The following PEAK1 variants were observed in gnomAD, a reference collection of about 807,000 sequenced individuals.
PEAK1 encodes the protein pseudopodium enriched atypical kinase 1.
Under a neutral mutation model 124.7 loss-of-function variants are expected in PEAK1, and 54 were observed. The ratio of observed to expected loss-of-function variants is 0.43; its 90% CI spans 0.35 to 0.54. PEAK1 has a LOEUF of 0.54. Among genes scored for constraint, PEAK1 ranks in the 20% least tolerant of loss-of-function variants. The probability of loss-of-function intolerance (pLI) is 0.01; values close to 1 mark genes in which losing one functional copy is unlikely to be tolerated. For synonymous variants in PEAK1, 719 were observed against 760.0 expected, an observed-to-expected ratio of 0.95 and a Z score of 0.89; for missense variants, 2,046 against 2,134.5, an observed-to-expected ratio of 0.96 and a Z score of 0.82.
chr15:77,214,893 C>A (rs1004060423), intron 6 of PEAK1, among the ~76,000 whole-genome samples: 1 of 152,114 alleles, frequency 6.6e-6, no homozygotes, highest in Non-Finnish European at 1.5e-5. Flanking sequence ...TCACCTCCCA[C>A]CAGGCCTCTA....
intron 1 of PEAK1, chr15:77,381,267 T>C: frequency 1.0e-6 from 1 of 970,054 alleles, no homozygotes; most frequent in Non-Finnish European, 1.2e-6. Context: ...AATACAGCAA[T>C]GGCCAGATGC....
At chr15:77,200,856 T>C (rs999606861) in intron 6 of PEAK1, among the ~76,000 whole-genome samples, 2 of 152,062 alleles carry the variant, frequency 1.3e-5, no homozygotes, top group African/African-American at 2.4e-5. Context: ...TTCTGCTTGG[T>C]AGGGAAATGG....
intron 7 of PEAK1, among the ~76,000 whole-genome samples, chr15:77,172,463 G>A (rs992443541): frequency 6.6e-6 from 1 of 152,130 alleles, no homozygotes; most frequent in Admixed American, 6.5e-5. Context: ...AACAAATACA[G>A]TTAGTTGTTT....
Position 77,202,602 on chromosome 15 carries a change from T to TA in PEAK1, c.-114-20563dup, listed in dbSNP as rs1335193259. On this transcript the variant is annotated intron_variant, in intron 6 of 9. Transcript: ENST00000682557. ...TAACACGGTGAAACCCCGTCTCTAC[T>TA]AAAAAAAATAAAAAAAAAATAGCTG... 1.2e-3 allele frequency among the ~76,000 whole-genome samples: 173 copies of TA among 149,292 alleles called. 2 individuals are homozygous for TA. Among genetic ancestry groups the TA allele is most frequent in the African/African-American group, 4.1e-3 (165 of 40,448 alleles).
intron 1 of PEAK1, chr15:77,401,806 AT>A: frequency 1.0e-6 from 1 of 984,140 alleles, no homozygotes; most frequent in Non-Finnish European, 1.2e-6. Flanking sequence ...AATAAAAATT[AT>A]TTACAACATG....
At chr15:77,308,183 T>C (rs541441882) in intron 2 of PEAK1, among the ~76,000 whole-genome samples, 5 of 152,216 alleles carry the variant, frequency 3.3e-5, no homozygotes, top group South Asian at 2.1e-4. Flanking sequence ...AATAAGCAGT[T>C]TGAAGTACTA....
intron 6 of PEAK1, among the ~76,000 whole-genome samples, chr15:77,220,277 G>C (rs2059328282): frequency 6.6e-6 from 1 of 151,982 alleles, no homozygotes; most frequent in Non-Finnish European, 1.5e-5. Flanking sequence ...ATGCATTGAG[G>C]TTTGATTTAC....
rs117343796 is a variant in PEAK1 at position 77,393,145 on chromosome 15, C to T, written c.-666+26861G>A. ...CCTGAGTTCCAGAGAGCCTTGCCAC[C>T]ATGGGCTGAAGTGCTCTGGGGTTCT... is the stretch of plus-strand genomic sequence containing the variant. On this transcript the variant is annotated intron_variant, in intron 1 of 9. Transcript: ENST00000682557. Among the ~76,000 whole-genome samples, 10 of 152,326 alleles carry T rather than the reference C, an allele frequency of 6.6e-5. No individual in the cohort carries two copies. The East Asian group carries it at 1.7e-3, about 26-fold the overall frequency.
chr15:77,364,427 T>C (rs2068090103), intron 2 of PEAK1, among the ~76,000 whole-genome samples: 2 of 152,180 alleles, frequency 1.3e-5, no homozygotes, highest in African/African-American at 4.8e-5. Context: ...TTAAGGAATG[T>C]AGATACTGAA....
intron 9 of PEAK1, among the ~76,000 whole-genome samples, chr15:77,123,358 T>C (rs1413874924): frequency 6.6e-6 from 1 of 152,184 alleles, no homozygotes; most frequent in African/African-American, 2.4e-5. Context: ...TACTAAGCCA[T>C]AATTTTGCCA....
chr15:77,192,478 C>A, intron 6 of PEAK1, among the ~76,000 whole-genome samples: 1 of 152,234 alleles, frequency 6.6e-6, no homozygotes, highest in East Asian at 1.9e-4. Flanking sequence ...ACAAGGAGAC[C>A]GCAGTCTGAC....
Position 77,177,486 on chromosome 15 carries a change from G to A in PEAK1, c.3137+1304C>T, listed in dbSNP as rs75928793. Among the ~76,000 whole-genome samples, 29 of 150,242 alleles carry A rather than the reference G, an allele frequency of 1.9e-4. No homozygotes were observed. The East Asian group carries it at 4.3e-3, about 22-fold the overall frequency. On this transcript the variant is annotated intron_variant, in intron 7 of 9. Coordinates refer to ENST00000682557, the MANE Select transcript of PEAK1 (RefSeq NM_001385026.1). ...TAAAGAATGTGTATAAAACTTCCTA[G>A]CATTTTGCTAGGAAAAGTAAAAGCA...
intron 5 of PEAK1, among the ~76,000 whole-genome samples, chr15:77,272,873 G>A (rs2062110702): frequency 6.6e-6 from 1 of 152,098 alleles, no homozygotes; most frequent in Admixed American, 6.5e-5. Flanking sequence ...CAAAATACTA[G>A]CTAAACGAAT....
chr15:77,117,982 A>T (rs1295653759), intron 9 of PEAK1, among the ~76,000 whole-genome samples: 1 of 152,236 alleles, frequency 6.6e-6, no homozygotes, highest in African/African-American at 2.4e-5. Context: ...TTAGCTTCAC[A>T]GATCTACTTG....
At position 77,129,443 on chromosome 15, in the gene PEAK1, A is replaced by ATT. The variant is rs35174642; in HGVS notation, c.4077+3560_4077+3561dup. 7.2e-3 allele frequency among the ~76,000 whole-genome samples: 1,015 copies of ATT among 141,166 alleles called. 11 individuals carry two copies. Among genetic ancestry groups the ATT allele is most frequent in the African/African-American group, 0.025 (961 of 38,276 alleles). 92.6% of individuals were successfully genotyped at this position (141,166 alleles called of 152,430 possible). A position where few individuals can be genotyped will look rare whatever the true frequency, so the allele number is the denominator to read the frequency against. On this transcript the variant is annotated intron_variant, in intron 9 of 9. Coordinates refer to ENST00000682557, the MANE Select transcript of PEAK1 (RefSeq NM_001385026.1). ...TTCAAATTGCTAAATTCTACCACTGATTTTTTTTTTTTTTTTGATATGTTG... is the reference window on the plus strand; with the variant it reads ...TTCAAATTGCTAAATTCTACCACTGATTTTTTTTTTTTTTTTTTGATATGTTG...
chr15:77,144,727 A>G (rs1389862406), intron 8 of PEAK1, among the ~76,000 whole-genome samples: 1 of 152,222 alleles, frequency 6.6e-6, no homozygotes, highest in Non-Finnish European at 1.5e-5. Context: ...AACCACAAAC[A>G]TTCCACAGCC....
At chr15:77,138,366 T>C (rs1020115425) in intron 8 of PEAK1, among the ~76,000 whole-genome samples, 15 of 152,176 alleles carry the variant, frequency 9.9e-5, no homozygotes, top group Non-Finnish European at 1.6e-4. Flanking sequence ...TTGCATATTA[T>C]TACCATACAC....
chr15:77,409,380 T>C (rs944289459), intron 1 of PEAK1, among the ~76,000 whole-genome samples: 1 of 152,160 alleles, frequency 6.6e-6, no homozygotes, highest in Non-Finnish European at 1.5e-5. Flanking sequence ...CTTCCCCCAT[T>C]TTACACATAA....
chr15:77,404,720 A>C, intron 1 of PEAK1: 1 of 942,914 alleles, frequency 1.1e-6, no homozygotes, highest in South Asian at 4.9e-5. Context: ...GAGAAGTAGG[A>C]GGTAGGATTT....
Sources: gnomAD v4.1 joint callset for allele counts (sites outside exome capture counted in the v4.1 genomes callset) on GRCh38, gnomAD v4.1.1 for gene constraint, MANE v1.5 for transcripts, NCBI Gene and HGNC (gene_info 2026-07-23, HGNC 2026-07-21) for gene names.